The following BOC variants were observed in gnomAD, a reference collection of about 807,000 sequenced individuals.
The protein encoded by BOC is brother of CDO.
BOC carries 76 observed loss-of-function variants against 112.0 expected under a neutral mutation model. The observed-to-expected ratio is 0.68, with a 90% CI of 0.56 to 0.82. The LOEUF is 0.82. BOC is among the 40% of genes least tolerant of loss of function. BOC has a pLI of 0.00. For synonymous variants in BOC, 580 were observed against 599.8 expected (o/e 0.97, Z 0.48); for missense variants, 1,309 against 1,511.7 (o/e 0.87, Z 2.22).
At chr3:113,247,753 T>C (rs1343750533) in intron 2 of BOC, among the ~76,000 whole-genome samples, 2 of 152,138 alleles carry the variant, frequency 1.3e-5, no homozygotes, top group African/African-American at 2.4e-5. Context: ...CACCCCCAGC[T>C]TTCCACCACC....
intron 2 of BOC, among the ~76,000 whole-genome samples, chr3:113,243,217 G>T (rs1297847803): frequency 6.6e-6 from 1 of 152,210 alleles, no homozygotes; most frequent in Non-Finnish European, 1.5e-5. Flanking sequence ...TGAAGAGAAG[G>T]CTGATAATCC....
intron 2 of BOC, among the ~76,000 whole-genome samples, chr3:113,237,222 G>A (rs1161167194): frequency 6.6e-6 from 1 of 152,166 alleles, no homozygotes; most frequent in African/African-American, 2.4e-5. Flanking sequence ...AAGTGTTGGT[G>A]GATATGAAGC....
intron 4 of BOC, among the ~76,000 whole-genome samples, chr3:113,258,855 T>C (rs944053981): frequency 2.1e-5 from 3 of 143,372 alleles, no homozygotes; most frequent in Admixed American, 7.2e-5. Flanking sequence ...AAGAAAATTA[T>C]TGAAAGATGG....
At chr3:113,270,269 T>G (rs1947966518) in intron 5 of BOC, 2 of 152,488 alleles carry the variant, frequency 1.3e-5, no homozygotes, top group South Asian at 4.1e-4. Flanking sequence ...AATTTCCTCC[T>G]TCCTGGAGGC....
intron 2 of BOC, among the ~76,000 whole-genome samples, chr3:113,245,501 G>A (rs1404680720): frequency 6.6e-6 from 1 of 152,150 alleles, no homozygotes; most frequent in Non-Finnish European, 1.5e-5. Context: ...CTGTGCAGGA[G>A]TACTACCCTC....
rs577291074 is a variant in BOC at position 113,265,430 on chromosome 3, C to T, written c.377-2869C>T. The stretch of plus-strand genomic sequence containing the variant: ...GACCATGGAGGAGAGTGCTTCACAG[C>T]GCCTGAGGAATTTTCCAGATGCCCC... On this transcript the variant is annotated intron_variant, in intron 4 of 19. Coordinates refer to ENST00000682979, the MANE Select transcript of BOC (RefSeq NM_001378074.1). 1.8e-4 allele frequency among the ~76,000 whole-genome samples: 27 copies of T among 152,180 alleles called. No individual in the cohort carries two copies. The South Asian group carries it at 5.0e-3, about 28-fold the overall frequency.
chr3:113,223,242 G>A (rs556847667), intron 2 of BOC, among the ~76,000 whole-genome samples: 15 of 152,284 alleles, frequency 9.9e-5, no homozygotes, highest in East Asian at 1.9e-4. Flanking sequence ...TCCAGCTCCA[G>A]TTTTGTTTTG....
At chr3:113,272,277 C>G in intron 6 of BOC, 133 bp from the exon 7 acceptor site, 2 of 976,310 alleles carry the variant, frequency 2.0e-6, no homozygotes, top group Non-Finnish European at 3.1e-6. Flanking sequence ...GCACGCCCCA[C>G]TCTACATAGG....
chr3:113,225,811 C>T (rs990896674), intron 2 of BOC, among the ~76,000 whole-genome samples: 5 of 152,230 alleles, frequency 3.3e-5, no homozygotes, highest in South Asian at 2.1e-4. Flanking sequence ...AAGGCTGTAA[C>T]GGTGGTTACT....
At position 113,236,266 on chromosome 3, in the gene BOC, G is replaced by GTGTGTGTGTGTC. The variant is rs10634988; in HGVS notation, c.-81-13455_-81-13454insGTGTGTGTGTCT. Among the ~76,000 whole-genome samples the GTGTGTGTGTGTC allele has an allele frequency of 1.2e-3, 65 of 52,616 alleles. 3 individuals are homozygous for GTGTGTGTGTGTC. The highest frequency in any genetic ancestry group is 3.6e-3 in the African/African-American group (59 of 16,196). The allele number at this position is 52,616 out of a possible 152,430, so 34.5% of individuals were successfully genotyped here. On this transcript the variant is annotated intron_variant, in intron 2 of 19. Coordinates refer to ENST00000682979, the MANE Select transcript of BOC (RefSeq NM_001378074.1). ...TGTGTGTGTGTGTGTGTGTGTGTGTGTATATATACCCATGGGTATATATAT... is the reference window on the plus strand; with the variant it reads ...TGTGTGTGTGTGTGTGTGTGTGTGTGTGTGTGTGTGTCTATATATACCCATGGGTATATATAT...
chr3:113,235,617 G>T (rs1943322636), intron 2 of BOC, among the ~76,000 whole-genome samples: 1 of 152,116 alleles, frequency 6.6e-6, no homozygotes, highest in Non-Finnish European at 1.5e-5. Context: ...AGGTGAAGAG[G>T]TTATTAGCTT....
Position 113,218,172 on chromosome 3 carries a change from T to TGGCC in BOC, c.-82+1900_-82+1903dup, listed in dbSNP as rs1246309420. Among the ~76,000 whole-genome samples the TGGCC allele has an allele frequency of 9.8e-5, 15 of 152,346 alleles. No individual in the cohort carries two copies. The South Asian group carries it at 1.7e-3, about 17-fold the overall frequency. On this transcript the variant is annotated intron_variant, in intron 2 of 19. Coordinates refer to ENST00000682979, the MANE Select transcript of BOC (RefSeq NM_001378074.1). ...GGAAAGCGGAGCCTGTGGAACCGGCTGGCCGTGGAGGCCTTGGAGCCCCCG... is the reference window on the plus strand; with the variant it reads ...GGAAAGCGGAGCCTGTGGAACCGGCTGGCCGGCCGTGGAGGCCTTGGAGCCCCCG...
At chr3:113,248,938 A>C (rs1945275619) in intron 2 of BOC, among the ~76,000 whole-genome samples, 1 of 152,122 alleles carries the variant, frequency 6.6e-6, no homozygotes, top group Non-Finnish European at 1.5e-5. Flanking sequence ...GGAAAAGTTC[A>C]AAATTTTCTA....
At position 113,273,293 on chromosome 3, in the gene BOC, G is replaced by C. The variant is rs145076589; in HGVS notation, c.1186G>C (p.Glu396Gln). The change falls in exon 8 of 20, where the codon GAG (glutamate) becomes CAG (glutamine). Residue 396 changes from glutamate (E) to glutamine (Q), a missense_variant. Glu to Gln is a conservative substitution (Grantham distance 29). Coordinates refer to ENST00000682979, the MANE Select transcript of BOC (RefSeq NM_001378074.1). The stretch of plus-strand genomic sequence containing the variant: ...CGTCTACCAGTGCATGGCCGAGAAC[G>C]AGGTTGGGAGCGCCCATGCCGTAGT... ...EGVYQCMAEN[E>Q]VGSAHAVVQL... 1.2e-3 allele frequency: 1,925 copies of C among 1,602,832 alleles called. 1 individual carries two copies. The highest frequency in any genetic ancestry group is 1.5e-3 in the Non-Finnish European group (1,737 of 1,171,382).
intron 2 of BOC, among the ~76,000 whole-genome samples, chr3:113,218,082 A>G (rs917382507): frequency 4.4e-4 from 67 of 152,276 alleles, no homozygotes; most frequent in African/African-American, 1.4e-3. Flanking sequence ...CGGGCTCTCA[A>G]GTTGCCCAGA....
chr3:113,246,465 C>T (rs1353051374), intron 2 of BOC, among the ~76,000 whole-genome samples: 2 of 152,220 alleles, frequency 1.3e-5, no homozygotes, highest in South Asian at 2.1e-4. Context: ...CCAGCTTAAG[C>T]GTTACTTGCC....
rs1949751811 is a variant in BOC at position 113,286,917 on chromosome 3, A to G, written c.*55A>G. 2.1e-6 allele frequency: 3 copies of G among 1,403,882 alleles called. No individual in the cohort carries two copies. Among genetic ancestry groups the G allele is most frequent in the South Asian group, 2.8e-5 (2 of 71,576 alleles). 87.0% of individuals were successfully genotyped at this position (1,403,882 alleles called of 1,614,324 possible). On this transcript the variant is annotated 3_prime_UTR_variant, in exon 20 of 20. Coordinates refer to ENST00000682979, the MANE Select transcript of BOC (RefSeq NM_001378074.1). Reference sequence around the variant, plus strand: ...TATTGTTTTTTTTTTAAAAAAAAAAAGAAGAAAAAAGAGACAGAGAAAATT... The same window carrying G: ...TATTGTTTTTTTTTTAAAAAAAAAAGGAAGAAAAAAGAGACAGAGAAAATT...
chr3:113,285,242 A>G, intron 18 of BOC, 130 bp from the exon 19 acceptor site: 1 of 779,474 alleles, frequency 1.3e-6, no homozygotes, highest in Non-Finnish European at 2.1e-6. Context: ...CAAAGGGGAG[A>G]GCAGTCCTTG....
intron 2 of BOC, among the ~76,000 whole-genome samples, chr3:113,236,282 GTATATATATATATA>G (rs71706132): frequency 0.051 from 3,268 of 64,562 alleles, 306 homozygotes; most frequent in Middle Eastern, 0.23. Flanking sequence ...ATACCCATGG[GTATATATATATATA>G]TATATATATA....
Sources: gnomAD v4.1 joint callset for allele counts (sites outside exome capture counted in the v4.1 genomes callset) on GRCh38, gnomAD v4.1.1 for gene constraint, MANE v1.5 for transcripts, NCBI Gene and HGNC (gene_info 2026-07-23, HGNC 2026-07-21) for gene names.